The following ADCY2 variants were observed in gnomAD, a reference collection of about 807,000 sequenced individuals.
ADCY2 encodes adenylate cyclase type 2.
Under a neutral mutation model 125.2 loss-of-function variants are expected in ADCY2, and 31 were observed. The ratio of observed to expected loss-of-function variants is 0.25; its 90% CI spans 0.19 to 0.33. The LOEUF (loss-of-function observed/expected upper bound fraction) is 0.33. Among genes scored for constraint, ADCY2 ranks in the 10% least tolerant of loss-of-function variants. The probability of loss-of-function intolerance (pLI) is 1.00; values close to 1 mark genes in which losing one functional copy is unlikely to be tolerated. For synonymous variants in ADCY2, 512 were observed against 548.4 expected (o/e 0.93, Z 0.93); for missense variants, 904 against 1,418.2 (o/e 0.64, Z 5.82).
intron 22 of ADCY2, among the ~76,000 whole-genome samples, chr5:7,816,250 A>G (rs900558934): frequency 1.3e-5 from 2 of 152,202 alleles, no homozygotes; most frequent in Non-Finnish European, 2.9e-5. Flanking sequence ...TCCCAGAACT[A>G]GAGAGAGCTG....
intron 19 of ADCY2, among the ~76,000 whole-genome samples, chr5:7,786,042 AT>A (rs1422187727): frequency 1.3e-5 from 2 of 152,178 alleles, no homozygotes; most frequent in African/African-American, 2.4e-5. Context: ...GAGTCATTCC[AT>A]TTTTGTCTTT....
intron 3 of ADCY2, among the ~76,000 whole-genome samples, chr5:7,545,369 A>C (rs1348612233): frequency 6.6e-6 from 1 of 152,166 alleles, no homozygotes; most frequent in African/African-American, 2.4e-5. Context: ...GAAAAGAAAA[A>C]TAATTTATTA....
intron 22 of ADCY2, among the ~76,000 whole-genome samples, chr5:7,807,537 C>A (rs1304915271): frequency 6.6e-6 from 1 of 152,180 alleles, no homozygotes; most frequent in Non-Finnish European, 1.5e-5. Flanking sequence ...CATTGTCTGG[C>A]CCCAGCCTGT....
intron 3 of ADCY2, among the ~76,000 whole-genome samples, chr5:7,616,775 A>G (rs1186618639): frequency 6.6e-6 from 1 of 152,184 alleles, no homozygotes; most frequent in African/African-American, 2.4e-5. Flanking sequence ...TCCTATGTTG[A>G]AGGCTAACCA....
At chr5:7,410,191 G>A (rs1739655378) in intron 1 of ADCY2, among the ~76,000 whole-genome samples, 1 of 152,150 alleles carries the variant, frequency 6.6e-6, no homozygotes, top group Non-Finnish European at 1.5e-5. Flanking sequence ...ACAGCAGGAA[G>A]TGATGGAAAT....
chr5:7,412,543 C>G (rs1739765039), intron 1 of ADCY2, among the ~76,000 whole-genome samples: 1 of 152,226 alleles, frequency 6.6e-6, no homozygotes, highest in East Asian at 1.9e-4. Context: ...ACCTAATACC[C>G]TTTTGCAGCA....
At chr5:7,418,960 C>A (rs1334581273) in intron 2 of ADCY2, among the ~76,000 whole-genome samples, 2 of 152,076 alleles carry the variant, frequency 1.3e-5, no homozygotes, top group Non-Finnish European at 2.9e-5. Context: ...GCCCTGGTGT[C>A]TTTTACTACA....
At chr5:7,488,277 T>C (rs1430031465) in intron 2 of ADCY2, among the ~76,000 whole-genome samples, 1 of 152,198 alleles carries the variant, frequency 6.6e-6, no homozygotes, top group Non-Finnish European at 1.5e-5. Flanking sequence ...ACCCGTTTGC[T>C]CTTCCTTCGT....
At chr5:7,587,453 T>C (rs1292046436) in intron 3 of ADCY2, among the ~76,000 whole-genome samples, 1 of 152,246 alleles carries the variant, frequency 6.6e-6, no homozygotes, top group African/African-American at 2.4e-5. Context: ...CATTGACATC[T>C]ATTATAAATA....
At chr5:7,721,411 A>T (rs2126386457) in intron 12 of ADCY2, among the ~76,000 whole-genome samples, 1 of 152,348 alleles carries the variant, frequency 6.6e-6, no homozygotes, top group South Asian at 2.1e-4. Flanking sequence ...ATTAGCATCC[A>T]TTTGTCAATT....
At chr5:7,680,291 C>A (rs1430563269) in intron 4 of ADCY2, among the ~76,000 whole-genome samples, 1 of 152,130 alleles carries the variant, frequency 6.6e-6, no homozygotes, top group Non-Finnish European at 1.5e-5. Flanking sequence ...ACAGATGCTG[C>A]TAAATATCCT....
intron 7 of ADCY2, among the ~76,000 whole-genome samples, chr5:7,702,269 T>C (rs1486636820): frequency 2.7e-5 from 4 of 150,776 alleles, no homozygotes; most frequent in Admixed American, 2.6e-4. Context: ...AGGGTACATG[T>C]GCACAAAGTA....
At chr5:7,817,414 G>A (rs1432170207) in intron 23 of ADCY2, among the ~76,000 whole-genome samples, 2 of 152,086 alleles carry the variant, frequency 1.3e-5, no homozygotes, top group Non-Finnish European at 2.9e-5. Context: ...CCATCTTCCT[G>A]GGGCCACAAG....
chr5:7,490,272 C>G (rs1005688438), intron 2 of ADCY2, among the ~76,000 whole-genome samples: 1 of 152,042 alleles, frequency 6.6e-6, no homozygotes, highest in African/African-American at 2.4e-5. Context: ...TGGTTTATAT[C>G]TTTAAGAAGT....
intron 20 of ADCY2, chr5:7,795,632 C>T (rs1220183791): frequency 1.3e-5 from 2 of 152,244 alleles, no homozygotes; most frequent in Non-Finnish European, 2.9e-5. Flanking sequence ...TCCATTTCCA[C>T]TAAACTCTTG....
intron 3 of ADCY2, among the ~76,000 whole-genome samples, chr5:7,612,909 G>A (rs1250818787): frequency 6.6e-6 from 1 of 152,086 alleles, no homozygotes; most frequent in Non-Finnish European, 1.5e-5. Context: ...CCAGCTACTT[G>A]GGAGGCTGAG....
At chr5:7,418,654 T>TG (rs1281248850) in intron 2 of ADCY2, among the ~76,000 whole-genome samples, 2 of 129,346 alleles carry the variant, frequency 1.5e-5, no homozygotes, top group African/African-American at 6.4e-5. Context: ...TCTGTTTTTT[T>TG]TTTTTTTTTT....
intron 1 of ADCY2, among the ~76,000 whole-genome samples, chr5:7,410,766 A>T (rs891311318): frequency 1.3e-5 from 2 of 152,140 alleles, no homozygotes; most frequent in Admixed American, 1.3e-4. Flanking sequence ...AGGGGTGAGG[A>T]TACATAGGAA....
chr5:7,731,070 C>T (rs1256097023), intron 14 of ADCY2, among the ~76,000 whole-genome samples: 1 of 148,972 alleles, frequency 6.7e-6, no homozygotes, highest in Non-Finnish European at 1.5e-5. Flanking sequence ...ATGTTTCCTG[C>T]CAGTTTCCAC....
Sources: gnomAD v4.1 joint callset for allele counts (sites outside exome capture counted in the v4.1 genomes callset) on GRCh38, gnomAD v4.1.1 for gene constraint, MANE v1.5 for transcripts, NCBI Gene and HGNC (gene_info 2026-07-23, HGNC 2026-07-21) for gene names.